The following ADRA1A variants were observed in gnomAD, a reference collection of about 807,000 sequenced individuals.
ADRA1A encodes adrenoceptor alpha 1A.
ADRA1A carries 31 observed loss-of-function variants against 29.6 expected under a neutral mutation model. The observed-to-expected ratio is 1.05, with a 90% CI of 0.79 to 1.41. The LOEUF is 1.41. Among genes scored for constraint, ADRA1A ranks in the 40% most tolerant of loss-of-function variants. The probability of loss-of-function intolerance (pLI) is 0.00; values close to 1 mark genes in which losing one functional copy is unlikely to be tolerated. For missense variants in ADRA1A, 619 were observed against 601.1 expected (o/e 1.03, Z -0.31); for synonymous variants, 311 against 254.3 (o/e 1.22, Z -2.12).
chr8:26,788,352 T>C (rs1219933130), intron 2 of ADRA1A, among the ~76,000 whole-genome samples: 1 of 152,186 alleles, frequency 6.6e-6, no homozygotes, highest in African/African-American at 2.4e-5. Flanking sequence ...TACCTGGGCT[T>C]TCTATCACAT....
At chr8:26,863,067 T>G (rs1248353677) in intron 2 of ADRA1A, among the ~76,000 whole-genome samples, 1 of 152,230 alleles carries the variant, frequency 6.6e-6, no homozygotes, top group African/African-American at 2.4e-5. Context: ...TTAAAGTACT[T>G]TAAGTATATG....
chr8:26,855,633 A>G (rs532707587), intron 2 of ADRA1A, among the ~76,000 whole-genome samples: 1 of 152,340 alleles, frequency 6.6e-6, no homozygotes, highest in East Asian at 1.9e-4. Flanking sequence ...AATGCATGCC[A>G]GGCTTAAAAC....
At chr8:26,811,741 C>T (rs913107045) in intron 2 of ADRA1A, among the ~76,000 whole-genome samples, 1 of 152,196 alleles carries the variant, frequency 6.6e-6, no homozygotes, top group African/African-American at 2.4e-5. Flanking sequence ...CTCATGCTCC[C>T]TCCCTATAAA....
chr8:26,844,357 G>T (rs1488236645), intron 2 of ADRA1A, among the ~76,000 whole-genome samples: 1 of 152,076 alleles, frequency 6.6e-6, no homozygotes, highest in African/African-American at 2.4e-5. Context: ...TTGTGTACCT[G>T]TCCTATTCTA....
chr8:26,808,837 A>T (rs900066940), intron 2 of ADRA1A, among the ~76,000 whole-genome samples: 1 of 152,206 alleles, frequency 6.6e-6, no homozygotes, highest in Non-Finnish European at 1.5e-5. Flanking sequence ...TGTCATAAAT[A>T]ACTGATTTTT....
chr8:26,781,120 G>T (rs1307375096), intron 2 of ADRA1A, among the ~76,000 whole-genome samples: 3 of 152,188 alleles, frequency 2.0e-5, no homozygotes, highest in Non-Finnish European at 4.4e-5. Flanking sequence ...GTGCCAAAAA[G>T]ATTGGGGAAC....
At position 26,828,136 on chromosome 8, in the gene ADRA1A, T is replaced by C. The variant is rs138367377; in HGVS notation, c.883+35951A>G. 5.3e-3 allele frequency among the ~76,000 whole-genome samples: 808 copies of C among 152,262 alleles called. 7 individuals carry two copies. The highest frequency in any genetic ancestry group is 0.018 in the African/African-American group (754 of 41,556). ...CTCAAACTCCTGAGCTCAAGCGATC[T>C]ACCTACCTGGGCCTCCCAGGGTGCT... On this transcript the variant is annotated intron_variant, in intron 2 of 2. Transcript: ENST00000380573.
chr8:26,829,131 C>T (rs558747819), intron 2 of ADRA1A, among the ~76,000 whole-genome samples: 3 of 152,120 alleles, frequency 2.0e-5, no homozygotes, highest in Non-Finnish European at 2.9e-5. Context: ...AGCAGTGGTG[C>T]CTTCCAGTTG....
At chr8:26,852,006 G>A (rs183482311) in intron 2 of ADRA1A, among the ~76,000 whole-genome samples, 1 of 152,168 alleles carries the variant, frequency 6.6e-6, no homozygotes, top group East Asian at 1.9e-4. Context: ...ATCTCAATAA[G>A]TCCCATAAGC....
intron 2 of ADRA1A, among the ~76,000 whole-genome samples, chr8:26,798,123 T>C (rs1177294897): frequency 6.6e-6 from 1 of 152,146 alleles, no homozygotes. Context: ...GGATTACAGG[T>C]GCTTGCCACC....
At position 26,770,457 on chromosome 8, in the gene ADRA1A, G is replaced by A; in HGVS notation, c.1093C>T (p.Gln365Ter). Residue 365 changes from glutamine to a stop codon, truncating the protein, a stop_gained, in exon 3 of 3, where the codon CAG becomes TAG. Transcript: ENST00000380573. LOFTEE classifies it high-confidence loss of function. ...TCCTTGTGTTGCCCTTCCACGGCCTGGCTGGGCGGGTGCAGGGTGTAGCCC... is the reference window on the plus strand; with the variant it reads ...TCCTTGTGTTGCCCTTCCACGGCCTAGCTGGGCGGGTGCAGGGTGTAGCCC... ...ALGYTLHPPS[Q>*]AVEGQHKDMV... 1.2e-6 allele frequency: 2 copies of A among 1,614,212 alleles called. No individual in the cohort carries two copies. The highest frequency in any genetic ancestry group is 1.7e-6 in the Non-Finnish European group (2 of 1,180,040).
chr8:26,850,199 C>A (rs1412491389), intron 2 of ADRA1A, among the ~76,000 whole-genome samples: 1 of 151,740 alleles, frequency 6.6e-6, no homozygotes, highest in African/African-American at 2.4e-5. Context: ...AACAGAAGTC[C>A]CCAGTATATA....
Position 26,806,807 on chromosome 8 carries a change from A to G in ADRA1A, c.884-36141T>C, listed in dbSNP as rs898164700. ...GAAGTGGCCTCATGGAACATCCTAG[A>G]AAAGGAGAACCAGCCACACCCTCAG... On this transcript the variant is annotated intron_variant, in intron 2 of 2. Transcript: ENST00000380573. This position sits in a 1 kb window ranked among gnomAD's most constrained non-coding sequence, Gnocchi z 4.6. 2.0e-5 allele frequency among the ~76,000 whole-genome samples: 3 copies of G among 152,112 alleles called. No individual in the cohort carries two copies. The highest frequency in any genetic ancestry group is 7.2e-5 in the African/African-American group (3 of 41,406).
At chr8:26,822,305 C>T (rs897109271) in intron 2 of ADRA1A, among the ~76,000 whole-genome samples, 2 of 152,152 alleles carry the variant, frequency 1.3e-5, no homozygotes, top group Non-Finnish European at 2.9e-5. Flanking sequence ...GTCTATAAAG[C>T]TATGCCTACT....
At chr8:26,774,600 T>C (rs971151525) in intron 2 of ADRA1A, among the ~76,000 whole-genome samples, 2 of 148,654 alleles carry the variant, frequency 1.3e-5, no homozygotes, top group African/African-American at 5.0e-5. Flanking sequence ...GCCCGGGAGG[T>C]AGAAGTTGTA....
At chr8:26,778,542 A>T (rs1426946099) in intron 2 of ADRA1A, among the ~76,000 whole-genome samples, 1 of 152,020 alleles carries the variant, frequency 6.6e-6, no homozygotes, top group Non-Finnish European at 1.5e-5. Context: ...TAATAACCAA[A>T]CCAAATGTCC....
chr8:26,768,763 A>G (rs1337142726), downstream of ADRA1A: 2 of 405,940 alleles, frequency 4.9e-6, no homozygotes, highest in Non-Finnish European at 6.7e-6. Flanking sequence ...CTGTAATCTG[A>G]AACACTTCTG....
intron 2 of ADRA1A, among the ~76,000 whole-genome samples, chr8:26,800,010 G>A (rs1235288302): frequency 1.3e-5 from 2 of 152,182 alleles, no homozygotes; most frequent in African/African-American, 2.4e-5. Flanking sequence ...TGTAATCCCA[G>A]CACTGTGGGA....
chr8:26,827,888 AC>A (rs1306971119), intron 2 of ADRA1A, among the ~76,000 whole-genome samples: 1 of 151,726 alleles, frequency 6.6e-6, no homozygotes, highest in African/African-American at 2.4e-5. Context: ...TTTTTATTTT[AC>A]TTTATTTTAT....
Sources: allele counts gnomAD v4.1 joint callset (sites outside exome capture counted in the v4.1 genomes callset), GRCh38; gene constraint gnomAD v4.1.1; non-coding constraint Gnocchi (gnomAD v3.1); transcripts MANE v1.5; gene names NCBI Gene and HGNC (gene_info 2026-07-23, HGNC 2026-07-21).